Variants in BIRC6 observed in about 807,000 individuals in gnomAD.
The protein encoded by BIRC6 is baculoviral IAP repeat containing 6, also known as dual E2 ubiquitin-conjugating enzyme/E3 ubiquitin-protein ligase BIRC6.
A neutral mutation model predicts 503.3 loss-of-function variants in BIRC6; 98 were observed. The observed-to-expected ratio is 0.19, with a 90% CI of 0.17 to 0.23. BIRC6 has a LOEUF of 0.23. Ranked by LOEUF, BIRC6 falls within the 10% of genes least tolerant of loss-of-function variation. The pLI is 1.00. For synonymous variants in BIRC6, 2,240 were observed against 2,078.7 expected (o/e 1.08, Z -2.11); for missense variants, 5,360 against 5,806.0 (o/e 0.92, Z 2.50).
At chr2:32,611,683 GA>G in intron 73 of BIRC6, 101 bp downstream of exon 73, 1 of 1,149,258 alleles carries the variant, frequency 8.7e-7, no homozygotes, top group South Asian at 2.8e-5. Context: ...GGGAATTAAA[GA>G]AACATAATAT....
intron 73 of BIRC6, among the ~76,000 whole-genome samples, chr2:32,616,093 T>TTAAA: frequency 6.6e-6 from 1 of 152,356 alleles, no homozygotes; most frequent in South Asian, 2.1e-4. Flanking sequence ...CAAAGTTTAT[T>TTAAA]TAATCTCTAT....
At chr2:32,521,560 C>G (rs1483577395) in intron 57 of BIRC6, among the ~76,000 whole-genome samples, 1 of 151,712 alleles carries the variant, frequency 6.6e-6, no homozygotes, top group Non-Finnish European at 1.5e-5. Context: ...CCTCTGCCTC[C>G]CAGGTTCAAG....
intron 61 of BIRC6, among the ~76,000 whole-genome samples, chr2:32,540,682 A>G (rs777156751): frequency 6.6e-6 from 1 of 152,034 alleles, no homozygotes; most frequent in Non-Finnish European, 1.5e-5. Context: ...ATATCAGTTT[A>G]TATTCTACTG....
At chr2:32,579,073 A>T (rs1195365648) in intron 66 of BIRC6, among the ~76,000 whole-genome samples, 1 of 146,332 alleles carries the variant, frequency 6.8e-6, no homozygotes, top group East Asian at 2.0e-4. Context: ...CCTAATATAT[A>T]TATATTAGAT....
intron 1 of BIRC6, among the ~76,000 whole-genome samples, chr2:32,375,496 A>C (rs567786023): frequency 1.3e-5 from 2 of 151,966 alleles, no homozygotes; most frequent in South Asian, 2.1e-4. Flanking sequence ...AACAAACAAA[A>C]AAAACCCCCA....
At chr2:32,481,531 C>A in intron 38 of BIRC6, 78 bp downstream of exon 38, 2 of 1,182,614 alleles carry the variant, frequency 1.7e-6, no homozygotes, top group Non-Finnish European at 2.3e-6. Flanking sequence ...CTTTGGGAGG[C>A]CAAGGTGGGC....
intron 46 of BIRC6, among the ~76,000 whole-genome samples, chr2:32,501,192 T>G (rs2053146857): frequency 6.6e-6 from 1 of 152,188 alleles, no homozygotes; most frequent in African/African-American, 2.4e-5. Context: ...CTAATATATT[T>G]TTGCCTGTTG....
At chr2:32,563,502 AAC>A (rs1307265318) in intron 65 of BIRC6, 1 of 152,220 alleles carries the variant, frequency 6.6e-6, no homozygotes, top group African/African-American at 2.4e-5. Context: ...GAAAAATAAA[AAC>A]ATTTATAAAA....
chr2:32,371,805 T>C (rs1432274403), intron 1 of BIRC6, among the ~76,000 whole-genome samples: 1 of 152,072 alleles, frequency 6.6e-6, no homozygotes, highest in Non-Finnish European at 1.5e-5. Context: ...TTTATTCTTT[T>C]TTTGTTTGTT....
intron 72 of BIRC6, among the ~76,000 whole-genome samples, chr2:32,608,999 C>A (rs1377646536): frequency 6.6e-6 from 1 of 152,038 alleles, no homozygotes; most frequent in Non-Finnish European, 1.5e-5. Context: ...CATGCCTCAG[C>A]CTCCCGAGTA....
At chr2:32,487,870 G>T in intron 41 of BIRC6, 69 bp downstream of exon 41, 1 of 1,343,620 alleles carries the variant, frequency 7.4e-7, no homozygotes, top group Non-Finnish European at 1.0e-6. Flanking sequence ...GAAACTAATT[G>T]GGAAGTTCAT....
chr2:32,559,256 G>A (rs2058990283), intron 65 of BIRC6, among the ~76,000 whole-genome samples: 1 of 152,208 alleles, frequency 6.6e-6, no homozygotes. Flanking sequence ...AGGATTGGAA[G>A]GATAGTGACT....
At chr2:32,551,451 T>G (rs2058417363) in intron 65 of BIRC6, among the ~76,000 whole-genome samples, 1 of 152,026 alleles carries the variant, frequency 6.6e-6, no homozygotes, top group Non-Finnish European at 1.5e-5. Context: ...CCCGGCTAAT[T>G]TTTGTATTTT....
intron 73 of BIRC6, among the ~76,000 whole-genome samples, chr2:32,612,906 C>G (rs1303303094): frequency 6.6e-6 from 1 of 152,208 alleles, no homozygotes; most frequent in Non-Finnish European, 1.5e-5. Flanking sequence ...TGTCTTCTTT[C>G]ACCGTCAGAC....
At chr2:32,358,540 C>G (rs899172060) in intron 1 of BIRC6, among the ~76,000 whole-genome samples, 1 of 152,154 alleles carries the variant, frequency 6.6e-6, no homozygotes, top group Non-Finnish European at 1.5e-5. Flanking sequence ...GTGAATCGGA[C>G]TCCTGCATAG....
chr2:32,584,541 A>G (rs1314068063), intron 66 of BIRC6, among the ~76,000 whole-genome samples: 4 of 152,202 alleles, frequency 2.6e-5, no homozygotes, highest in African/African-American at 9.7e-5. Context: ...TCAAAAATAA[A>G]TAAATAAATA....
At chr2:32,388,141 C>G (rs1453286655) in intron 3 of BIRC6, among the ~76,000 whole-genome samples, 1 of 151,852 alleles carries the variant, frequency 6.6e-6, no homozygotes, top group Non-Finnish European at 1.5e-5. Flanking sequence ...AATCCCAGCA[C>G]TTTGGGAGGC....
At chr2:32,615,377 C>T (rs1182103211) in intron 73 of BIRC6, among the ~76,000 whole-genome samples, 6 of 152,190 alleles carry the variant, frequency 3.9e-5, no homozygotes, top group Non-Finnish European at 8.8e-5. Flanking sequence ...TAGGGAAATT[C>T]TCACTTACCG....
intron 24 of BIRC6, 140 bp downstream of exon 24, chr2:32,463,521 A>G (rs1192156575): frequency 2.6e-6 from 2 of 767,778 alleles, no homozygotes; most frequent in Admixed American, 3.5e-5. Flanking sequence ...AAATTGAGGT[A>G]AAGTCTTTGT....
Sources: gnomAD v4.1 joint callset for allele counts (sites outside exome capture counted in the v4.1 genomes callset) on GRCh38, gnomAD v4.1.1 for gene constraint, MANE v1.5 for transcripts, NCBI Gene and HGNC (gene_info 2026-07-23, HGNC 2026-07-21) for gene names.